Variants in ELP4 observed in about 807,000 individuals in gnomAD.
The protein encoded by ELP4 is elongator complex protein 4.
In ELP4, 51 loss-of-function variants were observed where a neutral mutation model predicts 48.9. The ratio of observed to expected loss-of-function variants is 1.04; its 90% CI spans 0.83 to 1.32. ELP4 has a LOEUF of 1.32. Ranked by LOEUF, ELP4 falls within the 40% of genes most tolerant of loss-of-function variation. The probability of loss-of-function intolerance (pLI) is 0.00; values close to 1 mark genes in which losing one functional copy is unlikely to be tolerated. For synonymous variants in ELP4, 210 were observed against 189.2 expected, an observed-to-expected ratio of 1.11 and a Z score of -0.90; for missense variants, 519 against 514.6, an observed-to-expected ratio of 1.01 and a Z score of -0.08.
chr11:31,551,788 A>G (rs1291247559), intron 3 of ELP4, among the ~76,000 whole-genome samples: 2 of 152,154 alleles, frequency 1.3e-5, no homozygotes, highest in Admixed American at 6.6e-5. Context: ...TGTTTTTTAA[A>G]TAATTTCAGC....
chr11:31,738,762 C>T (rs1947380635), intron 9 of ELP4, among the ~76,000 whole-genome samples: 1 of 151,640 alleles, frequency 6.6e-6, no homozygotes, highest in African/African-American at 2.4e-5. Flanking sequence ...GAAATTATAA[C>T]ATATTCTGCA....
chr11:31,711,025 T>C (rs1946732310), intron 9 of ELP4, among the ~76,000 whole-genome samples: 1 of 152,194 alleles, frequency 6.6e-6, no homozygotes, highest in South Asian at 2.1e-4. Flanking sequence ...AGAGGAATCT[T>C]GTATTATAGT....
chr11:31,519,924 G>T (rs1956185009), intron 1 of ELP4, 132 bp from the exon 2 acceptor site: 1 of 696,878 alleles, frequency 1.4e-6, no homozygotes, highest in Non-Finnish European at 2.4e-6. Flanking sequence ...GTATTGCAAA[G>T]GTAATTAAAA....
chr11:31,748,224 C>T (rs1168341165), intron 9 of ELP4, among the ~76,000 whole-genome samples: 1 of 150,564 alleles, frequency 6.6e-6, no homozygotes, highest in African/African-American at 2.4e-5. Flanking sequence ...GTTGCTCTAA[C>T]AGCACAGTAA....
intron 9 of ELP4, among the ~76,000 whole-genome samples, chr11:31,709,396 T>G (rs537285816): frequency 1.1e-4 from 16 of 152,136 alleles, no homozygotes; most frequent in Non-Finnish European, 2.1e-4. Context: ...AGTGTAATAC[T>G]TACCGAATGA....
At chr11:31,579,234 G>A (rs1014857649) in intron 3 of ELP4, among the ~76,000 whole-genome samples, 3 of 152,172 alleles carry the variant, frequency 2.0e-5, no homozygotes, top group African/African-American at 7.2e-5. Flanking sequence ...ACCACAATGA[G>A]ATACCATCTC....
At chr11:31,734,863 A>C (rs1293873011) in intron 9 of ELP4, among the ~76,000 whole-genome samples, 1 of 152,220 alleles carries the variant, frequency 6.6e-6, no homozygotes, top group Non-Finnish European at 1.5e-5. Flanking sequence ...GAAAAATCTA[A>C]AATTCATATG....
intron 9 of ELP4, among the ~76,000 whole-genome samples, chr11:31,706,555 A>G (rs887385732): frequency 1.2e-4 from 18 of 147,964 alleles, no homozygotes; most frequent in Non-Finnish European, 1.9e-4. Context: ...TTAATTTAAT[A>G]TATTAAATTA....
rs1946937279 is a variant in ELP4 at position 31,720,452 on chromosome 11, C to T, written c.1144-62941C>T. On this transcript the variant is annotated intron_variant, in intron 9 of 9. Coordinates refer to ENST00000640961, the MANE Select transcript of ELP4 (RefSeq NM_019040.5). ...GCTTGAATTGTAGTGAAGTGGTAAC[C>T]CGCTGATGCAGGCATGCACTTCAGC... Among the ~76,000 whole-genome samples the T allele has an allele frequency of 2.6e-5, 4 of 152,026 alleles. No homozygotes were observed. In the South Asian group the frequency reaches 8.3e-4, roughly 32 times the overall value.
chr11:31,741,838 CCT>C (rs1947458887), intron 9 of ELP4, among the ~76,000 whole-genome samples: 1 of 152,152 alleles, frequency 6.6e-6, no homozygotes, highest in South Asian at 2.1e-4. Flanking sequence ...AATCACAGCG[CCT>C]CTCCTTCTGC....
intron 3 of ELP4, among the ~76,000 whole-genome samples, chr11:31,552,830 C>T (rs1051098262): frequency 3.3e-5 from 5 of 152,136 alleles, no homozygotes; most frequent in Non-Finnish European, 4.4e-5. Flanking sequence ...AGCTAATATT[C>T]TGTTACCTCC....
At chr11:31,520,712 GATATA>G (rs145611012) in intron 2 of ELP4, among the ~76,000 whole-genome samples, 177 of 152,046 alleles carry the variant, frequency 1.2e-3, no homozygotes, top group African/African-American at 3.9e-3. Flanking sequence ...TTTGTCCTCT[GATATA>G]ATATAAATTT....
intron 9 of ELP4, among the ~76,000 whole-genome samples, chr11:31,685,536 A>AG (rs1341325096): frequency 6.6e-6 from 1 of 152,224 alleles, no homozygotes; most frequent in Non-Finnish European, 1.5e-5. Flanking sequence ...CATTTGTAAC[A>AG]GAAGAGTTGA....
intron 9 of ELP4, among the ~76,000 whole-genome samples, chr11:31,701,971 C>T (rs544339533): frequency 4.3e-4 from 66 of 152,012 alleles, no homozygotes; most frequent in Non-Finnish European, 6.8e-4. Context: ...CAGTACGAAG[C>T]GAATAATATA....
chr11:31,542,824 T>C (rs1956614295), intron 3 of ELP4, among the ~76,000 whole-genome samples: 1 of 151,636 alleles, frequency 6.6e-6, no homozygotes, highest in Non-Finnish European at 1.5e-5. Flanking sequence ...AGGAGAAAAA[T>C]CAATTAAAAC....
At chr11:31,707,974 A>G (rs1946668646) in intron 9 of ELP4, among the ~76,000 whole-genome samples, 1 of 152,212 alleles carries the variant, frequency 6.6e-6, no homozygotes, top group African/African-American at 2.4e-5. Flanking sequence ...CTTGCTATGT[A>G]AAGTAACATT....
chr11:31,661,260 C>G (rs1945549386), intron 9 of ELP4, among the ~76,000 whole-genome samples: 1 of 151,920 alleles, frequency 6.6e-6, no homozygotes, highest in African/African-American at 2.4e-5. Context: ...AATCAAGAAG[C>G]AAATAATGAT....
chr11:31,673,777 G>A (rs560411908), intron 9 of ELP4, among the ~76,000 whole-genome samples: 1 of 152,258 alleles, frequency 6.6e-6, no homozygotes, highest in South Asian at 2.1e-4. Context: ...AGAACACCTG[G>A]TAATCTATGT....
rs577533388 is a variant in ELP4 at position 31,546,351 on chromosome 11, C to T, written c.381+6568C>T. On this transcript the variant is annotated intron_variant, in intron 3 of 9. Transcript: ENST00000640961. ...GTTGCAATCCGAGTCTCTGATAAAA[C>T]AGACTTTAAACCAACAAAGATCAAA... Among the ~76,000 whole-genome samples the T allele has an allele frequency of 2.5e-4, 38 of 152,190 alleles. No homozygotes were observed. The East Asian group carries it at 7.4e-3, about 30-fold the overall frequency.
Sources: allele counts gnomAD v4.1 joint callset (sites outside exome capture counted in the v4.1 genomes callset), GRCh38; gene constraint gnomAD v4.1.1; transcripts MANE v1.5; gene names NCBI Gene and HGNC (gene_info 2026-07-23, HGNC 2026-07-21).